Variants in MIB1 observed in about 807,000 individuals in gnomAD.
MIB1 encodes the protein MIB E3 ubiquitin protein ligase 1.
A neutral mutation model predicts 124.5 loss-of-function variants in MIB1; 278 were observed. That is an observed-to-expected ratio of 2.23 (90% CI 2.02 to 2.47). The LOEUF is 2.47. Among genes scored for constraint, MIB1 ranks in the 30% most tolerant of loss-of-function variants. The pLI is 0.00. For missense variants in MIB1, 957 were observed against 1,254.4 expected (o/e 0.76, Z 3.58); for synonymous variants, 446 against 429.4 (o/e 1.04, Z -0.48).
chr18:21,721,502 A>T (rs2040715958), intron 1 of MIB1, among the ~76,000 whole-genome samples: 1 of 151,912 alleles, frequency 6.6e-6, no homozygotes, highest in African/African-American at 2.4e-5. Context: ...TAAAATTATG[A>T]TTTTACTAAA....
intron 13 of MIB1, among the ~76,000 whole-genome samples, chr18:21,841,482 T>A (rs530629644): frequency 1.3e-5 from 2 of 152,292 alleles, no homozygotes; most frequent in African/African-American, 4.8e-5. Context: ...AGTGAAAGCA[T>A]TATTAGTGAT....
chr18:21,817,826 T>C (rs1227518926), intron 11 of MIB1: 3 of 242,160 alleles, frequency 1.2e-5, no homozygotes, highest in Non-Finnish European at 1.7e-5. Context: ...GCAGGAAATA[T>C]GTCTAGTAAA....
Position 21,799,925 on chromosome 18 carries a change from A to G in MIB1, c.1322A>G (p.Asn441Ser), listed in dbSNP as rs730880135. ...LNEELVKAAA[N>S]GDVAKVEDLL... The stretch of plus-strand genomic sequence containing the variant: ...GAAGAATTAGTTAAGGCTGCTGCCA[A>G]TGGAGATGTTGCTAAAGTGGAAGAT... The change falls in exon 9 of 21, where the codon AAT becomes AGT. Residue 441 changes from asparagine (N) to serine (S), a missense_variant. Physicochemically the swap from Asn to Ser is conservative, Grantham distance 46. Transcript: ENST00000261537. The G allele has an allele frequency of 9.3e-6, 15 of 1,612,358 alleles. No individual in the cohort carries two copies. Among genetic ancestry groups the G allele is most frequent in the Middle Eastern group, 1.6e-4 (1 of 6,074 alleles).
chr18:21,860,676 A>C (rs1442547223), intron 20 of MIB1, among the ~76,000 whole-genome samples: 3 of 152,158 alleles, frequency 2.0e-5, no homozygotes, highest in African/African-American at 7.2e-5. Flanking sequence ...ATCTGAATTT[A>C]TAAGAAAATA....
intron 1 of MIB1, among the ~76,000 whole-genome samples, chr18:21,734,312 G>C (rs2040785572): frequency 6.6e-6 from 1 of 151,482 alleles, no homozygotes; most frequent in African/African-American, 2.4e-5. Context: ...TCACCGTGTT[G>C]GCCAGGATGG....
At chr18:21,808,750 T>C (rs1188686026) in intron 10 of MIB1, among the ~76,000 whole-genome samples, 5 of 152,180 alleles carry the variant, frequency 3.3e-5, no homozygotes, top group African/African-American at 7.2e-5. Flanking sequence ...TATGTTGATA[T>C]AGGTGAGCTA....
chr18:21,846,381 ACACT>A (rs2042134404), intron 15 of MIB1, among the ~76,000 whole-genome samples: 1 of 152,236 alleles, frequency 6.6e-6, no homozygotes, highest in South Asian at 2.1e-4. Flanking sequence ...TCCATTTTAG[ACACT>A]CAATAAATGT....
At chr18:21,706,840 AC>A (rs1472653827) in intron 1 of MIB1, among the ~76,000 whole-genome samples, 1 of 152,134 alleles carries the variant, frequency 6.6e-6, no homozygotes, top group South Asian at 2.1e-4. Flanking sequence ...AGCCTCCCCC[AC>A]GAGCGCTGCC....
At chr18:21,751,199 C>T (rs998554058) in intron 1 of MIB1, among the ~76,000 whole-genome samples, 3 of 151,692 alleles carry the variant, frequency 2.0e-5, no homozygotes, top group African/African-American at 7.3e-5. Context: ...GAGACCCAGT[C>T]TCAAACAGAG....
Position 21,859,111 on chromosome 18 carries a change from A to T in MIB1, c.2880+465A>T, listed in dbSNP as rs1300524388. Reference sequence around the variant, plus strand: ...CTTGGAAAAAACCCATACAGATGGTATTAAAAGTTGAAGGTAGTCCAGGCG... The same window carrying T: ...CTTGGAAAAAACCCATACAGATGGTTTTAAAAGTTGAAGGTAGTCCAGGCG... On this transcript the variant is annotated intron_variant, in intron 20 of 20. Transcript: ENST00000261537. Among the ~76,000 whole-genome samples, 9 of 152,256 alleles carry T rather than the reference A, an allele frequency of 5.9e-5. 1 individual carries two copies. The South Asian group carries it at 1.7e-3, about 28-fold the overall frequency.
At chr18:21,748,772 GC>G in intron 1 of MIB1, among the ~76,000 whole-genome samples, 1 of 125,592 alleles carries the variant, frequency 8.0e-6, no homozygotes. Flanking sequence ...TCACTCTGTT[GC>G]CCAGGCTGGA....
At position 21,721,159 on chromosome 18, in the gene MIB1, G is replaced by GTTTTTTTTTTT. The variant is rs34277676; in HGVS notation, n.167+16065_167+16075dup. On this transcript the variant is annotated intron_variant and non_coding_transcript_variant, in intron 1 of 20. Coordinates refer to the MIB1 transcript ENST00000578646. ...TGAAAGATTTAAACATTTTAAAGAA[G>GTTTTTTTTTTT]TTTTTTTTTTTTTTTTTTTTTTTTT... Among the ~76,000 whole-genome samples, 14 of 29,764 alleles carry GTTTTTTTTTTT rather than the reference G, an allele frequency of 4.7e-4. 6 individuals carry two copies. Among genetic ancestry groups the GTTTTTTTTTTT allele is most frequent in the Admixed American group, 1.1e-3 (2 of 1,904 alleles). 19.5% of individuals were successfully genotyped at this position (29,764 alleles called of 152,430 possible).
upstream of MIB1, among the ~76,000 whole-genome samples, chr18:21,738,691 C>CA (rs1262197977): frequency 6.6e-6 from 1 of 151,014 alleles, no homozygotes. Context: ...CCTGTGGTCC[C>CA]AGGTACTCGG....
chr18:21,712,732 G>C (rs1171964094), intron 1 of MIB1, among the ~76,000 whole-genome samples: 1 of 152,158 alleles, frequency 6.6e-6, no homozygotes, highest in Admixed American at 6.5e-5. Context: ...GTGAGCCCCT[G>C]ATCAGAGGAC....
At chr18:21,780,325 G>C (rs969931735) in intron 6 of MIB1, among the ~76,000 whole-genome samples, 5 of 150,668 alleles carry the variant, frequency 3.3e-5, no homozygotes, top group South Asian at 2.1e-4. Flanking sequence ...TCAAACATTA[G>C]ATTTTTTTCC....
intron 1 of MIB1, among the ~76,000 whole-genome samples, chr18:21,759,702 G>A (rs1181295200): frequency 1.3e-5 from 2 of 151,932 alleles, no homozygotes; most frequent in African/African-American, 4.8e-5. Flanking sequence ...TTTTACTTTT[G>A]CTATTATACG....
rs895284744 is a variant in MIB1 at position 21,868,888 on chromosome 18, G to A, written c.*4222G>A. 1 of 152,352 alleles carries A rather than the reference G, an allele frequency of 6.6e-6. No individual in the cohort carries two copies. Among genetic ancestry groups the A allele is most frequent in the South Asian group, 2.1e-4 (1 of 4,838 alleles). 9.4% of individuals were successfully genotyped at this position (152,352 alleles called of 1,614,324 possible). On this transcript the variant is annotated 3_prime_UTR_variant, in exon 21 of 21. Coordinates refer to ENST00000261537, the MANE Select transcript of MIB1 (RefSeq NM_020774.4). ...CCTTTAGATTGAGCCTCAATTTACT[G>A]GTTAGTAGTATGTGAAACTCTGGTA...
chr18:21,794,452 T>C (rs1373964257), intron 7 of MIB1, among the ~76,000 whole-genome samples: 1 of 151,602 alleles, frequency 6.6e-6, no homozygotes, highest in East Asian at 1.9e-4. Context: ...CCTCTCTCTC[T>C]CTCTCTCTCT....
At chr18:21,766,341 C>T (rs1007464450) in intron 2 of MIB1, among the ~76,000 whole-genome samples, 1 of 152,028 alleles carries the variant, frequency 6.6e-6, no homozygotes, top group African/African-American at 2.4e-5. Context: ...ACAACATCTA[C>T]TATGTTTATG....
Sources: allele counts gnomAD v4.1 joint callset (sites outside exome capture counted in the v4.1 genomes callset), GRCh38; gene constraint gnomAD v4.1.1; transcripts MANE v1.5; gene names NCBI Gene and HGNC (gene_info 2026-07-23, HGNC 2026-07-21).